Variants in LGALS4 observed in about 807,000 individuals in gnomAD.
LGALS4 encodes the protein galectin-4.
Under a neutral mutation model 39.6 loss-of-function variants are expected in LGALS4, and 37 were observed. That is an observed-to-expected ratio of 0.93 (90% CI 0.72 to 1.23). The LOEUF (loss-of-function observed/expected upper bound fraction) is 1.23, where lower values mean the gene tolerates loss of function less well. LGALS4 is among the 50% of genes most tolerant of loss of function. The pLI is 0.00. For synonymous variants in LGALS4, 160 were observed against 165.5 expected (o/e 0.97, Z 0.25); for missense variants, 397 against 433.2 (o/e 0.92, Z 0.74).
Position 38,812,509 on chromosome 19 carries a change from T to G in LGALS4, c.56A>C (p.Tyr19Ser). ...YQPTYNPTLP[Y>S]YQPIPGGLNV... is the part of the protein sequence containing the mutation. ...GAGCCCGCCCGGGATGGGCTGGTAG[T>G]AAGGCAGCGTCTGGAGAAGAGGCCT... The change falls in exon 2 of 10, where the codon TAC becomes TCC. Residue 19 changes from tyrosine to serine, a missense_variant. Tyr to Ser is a moderately radical substitution (Grantham distance 144). Transcript: ENST00000307751. The G allele has an allele frequency of 6.2e-7, 1 of 1,614,112 alleles. No individual in the cohort carries two copies. Among genetic ancestry groups the G allele is most frequent in the East Asian group, 2.2e-5 (1 of 44,884 alleles).
chr19:38,808,700 C>T (rs754086737), intron 3 of LGALS4, 44 bp downstream of exon 3: 5 of 1,486,900 alleles, frequency 3.4e-6, no homozygotes, highest in Admixed American at 1.7e-5. Flanking sequence ...CAAGATGGCG[C>T]CACTGCACTC....
intron 4 of LGALS4, 141 bp from the exon 5 acceptor site, chr19:38,804,036 A>G (rs755744666): frequency 1.4e-5 from 13 of 955,170 alleles, no homozygotes; most frequent in Non-Finnish European, 2.1e-5. Context: ...TGGCACCCCG[A>G]TCACAGATTC....
chr19:38,812,432 G>A lies in LGALS4; in HGVS notation c.133C>T (p.Arg45Trp), dbSNP rs1049880028. ...GGCCTGGCTTGGGGAGGGTCTTACC[G>A]CTTCATGTGCTCGCTGGCCACTCCT... ...IQGVASEHMKRFFVNFVVGQD... is the reference protein window; with the variant it reads ...IQGVASEHMKWFFVNFVVGQD... The change falls in exon 2 of 10, where the codon CGG (arginine) becomes TGG (tryptophan). Residue 45 changes from arginine to tryptophan, a missense_variant and splice_region_variant. Coordinates refer to ENST00000307751, the MANE Select transcript of LGALS4 (RefSeq NM_006149.4). The A allele has an allele frequency of 1.2e-5, 19 of 1,613,724 alleles. No individual in the cohort carries two copies. Among genetic ancestry groups the A allele is most frequent in the African/African-American group, 8.0e-5 (6 of 74,938 alleles).
intron 1 of LGALS4, 130 bp downstream of exon 1, chr19:38,812,712 G>T: frequency 9.2e-7 from 1 of 1,081,700 alleles, no homozygotes; most frequent in Non-Finnish European, 1.4e-6. Flanking sequence ...TAAATCGAGG[G>T]TCGGGGTCAG....
At chr19:38,809,146 C>G (rs1254310339) in intron 2 of LGALS4, among the ~76,000 whole-genome samples, 198 bp from the exon 3 acceptor site, 1 of 151,688 alleles carries the variant, frequency 6.6e-6, no homozygotes, top group African/African-American at 2.4e-5. Flanking sequence ...ATTCCCACCA[C>G]CACACCTTCG....
At chr19:38,804,825 AAAAAAAC>A (rs921950328) in intron 4 of LGALS4, among the ~76,000 whole-genome samples, 17 of 152,066 alleles carry the variant, frequency 1.1e-4, no homozygotes, top group Middle Eastern at 3.4e-3. Flanking sequence ...TCCATCTAAA[AAAAAAAC>A]AAAAAACAAA....
At position 38,801,701 on chromosome 19, in the gene LGALS4, G is replaced by A; in HGVS notation, c.*63C>T. The A allele has an allele frequency of 1.3e-6, 2 of 1,555,478 alleles. No individual in the cohort carries two copies. The highest frequency in any genetic ancestry group is 1.8e-6 in the Non-Finnish European group (2 of 1,137,098). ...AGACACCCTCAGACATTTTATTAGGGGCTTAGAAAGGAGTCCTAGGGGATA... is the reference window on the plus strand; with the variant it reads ...AGACACCCTCAGACATTTTATTAGGAGCTTAGAAAGGAGTCCTAGGGGATA... On this transcript the variant is annotated 3_prime_UTR_variant, in exon 10 of 10. Transcript: ENST00000307751.
chr19:38,806,229 G>A (rs568896943), intron 4 of LGALS4, among the ~76,000 whole-genome samples: 3 of 152,016 alleles, frequency 2.0e-5, no homozygotes, highest in South Asian at 2.1e-4. Flanking sequence ...TTAGCCGGGC[G>A]TGGTGGCAGG....
chr19:38,811,036 G>A (rs1005129494), intron 2 of LGALS4, among the ~76,000 whole-genome samples: 8 of 151,554 alleles, frequency 5.3e-5, no homozygotes, highest in African/African-American at 1.9e-4. Flanking sequence ...TGAGTAGCTG[G>A]GATTACAGGC....
intron 2 of LGALS4, among the ~76,000 whole-genome samples, chr19:38,809,323 G>A (rs1971465059): frequency 6.6e-6 from 1 of 151,798 alleles, no homozygotes; most frequent in Non-Finnish European, 1.5e-5. Context: ...GGGATTACAG[G>A]CGTGCACCAC....
At chr19:38,804,331 G>A (rs115478974) in intron 4 of LGALS4, among the ~76,000 whole-genome samples, 4,048 of 152,228 alleles carry the variant, frequency 0.027, 170 homozygotes, top group African/African-American at 0.093. Context: ...CCAGGGTGCC[G>A]TGCAGTGGCA....
At chr19:38,812,676 C>A in intron 1 of LGALS4, 157 bp from the exon 2 acceptor site, 1 of 942,376 alleles carries the variant, frequency 1.1e-6, no homozygotes, top group Admixed American at 1.9e-5. Context: ...GACGTGGACA[C>A]AGACAGCCTG....
Position 38,802,061 on chromosome 19 carries a change from C to G in LGALS4, c.756G>C (p.Leu252=), listed in dbSNP as rs1174119493. 1 of 1,614,218 alleles carries G rather than the reference C, an allele frequency of 6.2e-7. No individual in the cohort carries two copies. Among genetic ancestry groups the G allele is most frequent in the South Asian group, 1.1e-5 (1 of 91,082 alleles). ...TCTCCTCGGATCCCCACGAGCCATT[C>G]AGAAGGCTGTTCCGGACCACGGTAC... ...GNGTVVRNSL[L]NGSWGSEEKK... The change falls in exon 9 of 10, where the codon CTG becomes CTC. Residue 252 remains leucine (L), a synonymous_variant. Transcript: ENST00000307751.
rs745862160 is a variant in LGALS4, at chr19:38,808,817, C to T, written c.266G>A (p.Arg89Lys). The stretch of plus-strand genomic sequence containing the variant: ...CTTTTTGAAGGGCATGCTCCTCTTC[C>T]TCTCCTCGCTGCCCCACTTCCCGCC... ...LQGGKWGSEE[R>K]KRSMPFKKGA... Residue 89 changes from arginine to lysine, a missense_variant, in exon 3 of 10, where the codon AGG becomes AAG. Coordinates refer to ENST00000307751, the MANE Select transcript of LGALS4 (RefSeq NM_006149.4). The T allele has an allele frequency of 1.6e-4, 265 of 1,614,048 alleles. No homozygotes were observed. The highest frequency in any genetic ancestry group is 2.2e-4 in the Non-Finnish European group (257 of 1,180,040).
In LGALS4 at chr19:38,812,945, T is replaced by C. The variant is rs1971513191; in HGVS notation, c.-59A>G. ...GAAGAGCTGCAGGAGTGGGAGATGG[T>C]GGCGGATGGCAGGCGGTGGTGGCTC... On this transcript the variant is annotated 5_prime_UTR_variant, in exon 1 of 10. Transcript: ENST00000307751. 2.0e-6 allele frequency: 3 copies of C among 1,535,882 alleles called. No homozygotes were observed. In the African/African-American group the frequency reaches 4.1e-5, roughly 21 times the overall value.
intron 8 of LGALS4, 54 bp downstream of exon 8, chr19:38,802,262 T>G (rs1175428840): frequency 1.9e-6 from 3 of 1,597,766 alleles, no homozygotes; most frequent in African/African-American, 1.3e-5. Flanking sequence ...GGGTCTAGAT[T>G]GTTGGGTCTG....
Position 38,806,443 on chromosome 19 carries a change from G to A in LGALS4, c.474+18C>T. ...ATTTAGAAAGAAAGGACGCAAGAAG[G>A]GATGGGACCCCTCACACCTGGGGCC... On this transcript the variant is annotated intron_variant, in intron 4 of 9. Transcript: ENST00000307751. 1 of 1,613,182 alleles carries A rather than the reference G, an allele frequency of 6.2e-7. No individual in the cohort carries two copies. Among genetic ancestry groups the A allele is most frequent in the Non-Finnish European group, 8.5e-7 (1 of 1,179,342 alleles).
intron 3 of LGALS4, among the ~76,000 whole-genome samples, chr19:38,807,606 A>G (rs1971437683): frequency 6.6e-6 from 1 of 152,088 alleles, no homozygotes; most frequent in Non-Finnish European, 1.5e-5. Context: ...CCTGTCTGGG[A>G]AGTGTACCCA....
intron 3 of LGALS4, 43 bp from the exon 4 acceptor site, chr19:38,806,638 C>A (rs750908704): frequency 1.2e-6 from 2 of 1,607,668 alleles, no homozygotes; most frequent in South Asian, 1.1e-5. Context: ...CACCCATGAT[C>A]CTGGGAAGGT....
Sources: allele counts gnomAD v4.1 joint callset (sites outside exome capture counted in the v4.1 genomes callset), GRCh38; gene constraint gnomAD v4.1.1; transcripts MANE v1.5; gene names NCBI Gene and HGNC (gene_info 2026-07-23, HGNC 2026-07-21).